The following CDC14B variants were observed in gnomAD, a reference collection of about 807,000 sequenced individuals.
CDC14B encodes the protein dual specificity protein phosphatase CDC14B.
Under a neutral mutation model 64.2 loss-of-function variants are expected in CDC14B, and 22 were observed. The ratio of observed to expected loss-of-function variants is 0.34; its 90% CI spans 0.24 to 0.49. The LOEUF is 0.49. Among genes scored for constraint, CDC14B ranks in the 20% least tolerant of loss-of-function variants. The probability of loss-of-function intolerance (pLI) is 0.99; values close to 1 mark genes in which losing one functional copy is unlikely to be tolerated. For synonymous variants in CDC14B, 191 were observed against 215.8 expected (o/e 0.89, Z 1.01); for missense variants, 498 against 629.9 (o/e 0.79, Z 2.24).
intron 1 of CDC14B, among the ~76,000 whole-genome samples, chr9:96,570,743 G>T (rs141216062): frequency 6.6e-6 from 1 of 152,176 alleles, no homozygotes; most frequent in East Asian, 1.9e-4. Context: ...TTAGTGTCGC[G>T]TATTGTATTC....
At chr9:96,503,890 C>T (rs1833775538) in intron 13 of CDC14B, 101 bp from the exon 14 acceptor site, 2 of 893,312 alleles carry the variant, frequency 2.2e-6, no homozygotes, top group African/African-American at 3.4e-5. Context: ...TACTGACATG[C>T]TAAAAAGTAT....
In CDC14B at chr9:96,503,487, C is replaced by T. The variant is rs1207869470; in HGVS notation, c.*266G>A. On this transcript the variant is annotated 3_prime_UTR_variant, in exon 14 of 14. Coordinates refer to ENST00000375241, the MANE Select transcript of CDC14B (RefSeq NM_033331.4). ...AGCCAGCTCCCTGGGTACCAGAGGG[C>T]TTGGGTATTTACACCTGAGACTAAA... 2.1e-6 allele frequency: 1 copy of T among 481,296 alleles called. No individual in the cohort carries two copies. Among genetic ancestry groups the T allele is most frequent in the Non-Finnish European group, 3.7e-6 (1 of 273,326 alleles). 29.8% of individuals were successfully genotyped at this position (481,296 alleles called of 1,614,324 possible).
At chr9:96,498,190 G>T (rs1833331385), downstream of CDC14B, among the ~76,000 whole-genome samples, 1 of 152,154 alleles carries the variant, frequency 6.6e-6, no homozygotes, top group South Asian at 2.1e-4. Flanking sequence ...ACCCATAGCT[G>T]CACTTAGACA....
rs1847845756 is a variant in CDC14B, at chr9:96,619,484, A to C, written c.-106T>G. 1.8e-6 allele frequency: 1 copy of C among 550,066 alleles called. No homozygotes were observed. The highest frequency in any genetic ancestry group is 2.1e-5 in the African/African-American group (1 of 48,272). 34.1% of individuals were successfully genotyped at this position (550,066 alleles called of 1,614,324 possible). ...CGCGGGCGCTCGGGGCGGCGGGCGCAGAGCGGCGCTGCGGGGACGGCGGGC... is the reference window on the plus strand; with the variant it reads ...CGCGGGCGCTCGGGGCGGCGGGCGCCGAGCGGCGCTGCGGGGACGGCGGGC... On this transcript the variant is annotated 5_prime_UTR_variant, in exon 1 of 14. Transcript: ENST00000375241.
At chr9:96,536,954 T>G (rs576302500) in intron 7 of CDC14B, among the ~76,000 whole-genome samples, 4 of 152,320 alleles carry the variant, frequency 2.6e-5, no homozygotes, top group African/African-American at 9.6e-5. Flanking sequence ...ACCTGTGGTT[T>G]TGCCTGGCTT....
chr9:96,519,565 G>A (rs1475898050), intron 12 of CDC14B, among the ~76,000 whole-genome samples: 1 of 151,794 alleles, frequency 6.6e-6, no homozygotes. Context: ...GTGAAACCTT[G>A]TCTCTACTAA....
intron 8 of CDC14B, 107 bp from the exon 9 acceptor site, chr9:96,534,264 C>T (rs1838955596): frequency 1.3e-6 from 1 of 796,336 alleles, no homozygotes. Context: ...GAATTAAATA[C>T]CAATTTGATT....
At chr9:96,610,595 G>A (rs1250654042) in intron 1 of CDC14B, among the ~76,000 whole-genome samples, 1 of 151,608 alleles carries the variant, frequency 6.6e-6, no homozygotes, top group Admixed American at 6.6e-5. Flanking sequence ...TCAGTAAATA[G>A]GATATAAATC....
At chr9:96,601,495 CA>C (rs901136057) in intron 1 of CDC14B, among the ~76,000 whole-genome samples, 7 of 142,860 alleles carry the variant, frequency 4.9e-5, no homozygotes, top group African/African-American at 7.8e-5. Flanking sequence ...GACTCCATCT[CA>C]AAAAAAAAAC....
intron 6 of CDC14B, 96 bp from the exon 7 acceptor site, chr9:96,539,236 G>C: frequency 1.2e-6 from 1 of 826,800 alleles, no homozygotes; most frequent in Non-Finnish European, 2.1e-6. Context: ...GGCCCCCCAA[G>C]AAAGTATTGT....
At chr9:96,494,726 CCTTT>C (rs1833174678) in intron 13 of CDC14B, among the ~76,000 whole-genome samples, 1 of 151,212 alleles carries the variant, frequency 6.6e-6, no homozygotes, top group Non-Finnish European at 1.5e-5. Flanking sequence ...CCTTTCCTTT[CCTTT>C]CTTTCCCTTC....
intron 1 of CDC14B, among the ~76,000 whole-genome samples, chr9:96,598,036 G>T (rs533935863): frequency 6.6e-6 from 1 of 152,128 alleles, no homozygotes; most frequent in Non-Finnish European, 1.5e-5. Context: ...ACTTTGTGTG[G>T]CAAACACAAA....
chr9:96,575,027 T>C (rs1321355516), intron 1 of CDC14B, among the ~76,000 whole-genome samples: 7 of 152,218 alleles, frequency 4.6e-5, no homozygotes, highest in Non-Finnish European at 8.8e-5. Flanking sequence ...AGTTTATTCG[T>C]CAGAATAAGC....
In CDC14B at chr9:96,503,692, T is replaced by G; in HGVS notation, c.*61A>C. On this transcript the variant is annotated 3_prime_UTR_variant, in exon 14 of 14. Coordinates refer to ENST00000375241, the MANE Select transcript of CDC14B (RefSeq NM_033331.4). ...ATTTTGTTTTGTTTTCAAATTGTGC[T>G]AATTTCTGTTGCAGTTTTCAGTCCT... The G allele has an allele frequency of 6.9e-7, 1 of 1,446,340 alleles. No homozygotes were observed. The highest frequency in any genetic ancestry group is 9.6e-7 in the Non-Finnish European group (1 of 1,039,662). 89.6% of individuals were successfully genotyped at this position (1,446,340 alleles called of 1,614,324 possible). A position where few individuals can be genotyped will look rare whatever the true frequency, so the allele number is the denominator to read the frequency against.
chr9:96,496,831 C>T (rs1157275077), downstream of CDC14B, among the ~76,000 whole-genome samples: 1 of 152,250 alleles, frequency 6.6e-6, no homozygotes, highest in Non-Finnish European at 1.5e-5. Context: ...GGCGGCTTCT[C>T]TGTCCTGTGT....
intron 1 of CDC14B, among the ~76,000 whole-genome samples, chr9:96,585,909 C>A (rs573722207): frequency 6.6e-6 from 1 of 152,284 alleles, no homozygotes; most frequent in Admixed American, 6.5e-5. Flanking sequence ...CAAGGGAACA[C>A]CGCTCAGCAG....
chr9:96,604,917 G>A (rs911171874), intron 1 of CDC14B, among the ~76,000 whole-genome samples: 8 of 152,042 alleles, frequency 5.3e-5, no homozygotes, highest in African/African-American at 1.4e-4. Context: ...TGATCTACCC[G>A]CCTCTGCCTC....
intron 9 of CDC14B, among the ~76,000 whole-genome samples, chr9:96,533,530 C>A (rs1838815438): frequency 6.6e-6 from 1 of 152,042 alleles, no homozygotes; most frequent in South Asian, 2.1e-4. Flanking sequence ...ATCTTCATAC[C>A]ATTTATTATT....
At chr9:96,566,986 A>G (rs950839990) in intron 1 of CDC14B, 3 of 1,432,288 alleles carry the variant, frequency 2.1e-6, no homozygotes, top group Non-Finnish European at 2.7e-6. Context: ...CGACAGCGCA[A>G]CCCCGGAAGT....
Sources: gnomAD v4.1 joint callset for allele counts (sites outside exome capture counted in the v4.1 genomes callset) on GRCh38, gnomAD v4.1.1 for gene constraint, MANE v1.5 for transcripts, NCBI Gene and HGNC (gene_info 2026-07-23, HGNC 2026-07-21) for gene names.